The following ZNF367 variants were observed in gnomAD, a reference collection of about 807,000 sequenced individuals.
ZNF367 encodes the protein C2H2 zinc finger protein ZFF29.
Under a neutral mutation model 31.8 loss-of-function variants are expected in ZNF367, and 11 were observed. The observed-to-expected ratio is 0.35, with a 90% CI of 0.22 to 0.57. The LOEUF is 0.57. ZNF367 is among the 20% of genes least tolerant of loss of function. The pLI, the probability that ZNF367 is intolerant of heterozygous loss-of-function variation, is 0.85. For missense variants in ZNF367, 353 were observed against 484.1 expected, an observed-to-expected ratio of 0.73 and a Z score of 2.54; for synonymous variants, 199 against 202.4, an observed-to-expected ratio of 0.98 and a Z score of 0.14.
intron 3 of ZNF367, 65 bp from the exon 4 acceptor site, chr9:96,392,601 A>G: frequency 6.6e-7 from 1 of 1,522,738 alleles, no homozygotes; most frequent in Non-Finnish European, 8.8e-7. Context: ...TGTGGAAAAC[A>G]TTCAGTTTCA....
At chr9:96,407,349 GAAAAAGAGA>G in intron 1 of ZNF367, 2 of 1,563,712 alleles carry the variant, frequency 1.3e-6, no homozygotes, top group Non-Finnish European at 1.8e-6. Context: ...ATTACCATGA[GAAAAAGAGA>G]AAGAAGGAAA....
rs1163412110 is a variant in ZNF367 at position 96,418,260 on chromosome 9, C to G, written c.-228G>C. ...AGCGCGCCCTCCGCTCTTTGTACTC[C>G]GCAGCGCAGGCTGCAGGGGTGGGAA... is the stretch of plus-strand genomic sequence containing the variant. On this transcript the variant is annotated 5_prime_UTR_variant, in exon 1 of 5. Transcript: ENST00000375256. 3.7e-6 allele frequency: 2 copies of G among 539,276 alleles called. No homozygotes were observed. Among genetic ancestry groups the G allele is most frequent in the African/African-American group, 2.0e-5 (1 of 51,184 alleles). 33.4% of individuals were successfully genotyped at this position (539,276 alleles called of 1,614,324 possible).
At position 96,417,175 on chromosome 9, in the gene ZNF367, C is replaced by A. The variant is rs996385723; in HGVS notation, c.420+438G>T. Among the ~76,000 whole-genome samples, 2 of 152,220 alleles carry A rather than the reference C, an allele frequency of 1.3e-5. No homozygotes were observed. The highest frequency in any genetic ancestry group is 1.3e-4 in the Admixed American group (2 of 15,282). On this transcript the variant is annotated intron_variant, in intron 1 of 4. Transcript: ENST00000375256. The surrounding 1 kb of genome is among the most constrained non-coding windows in gnomAD (Gnocchi z 5.0). ...GTCCTTTCTTGCTCTTCGGCTGTCT[C>A]TGCAGGGCATCTTTTAACAGGGCGA...
intron 1 of ZNF367, among the ~76,000 whole-genome samples, chr9:96,412,346 A>C (rs899011027): frequency 1.3e-5 from 2 of 152,250 alleles, no homozygotes; most frequent in African/African-American, 2.4e-5. Context: ...AAGGTTGATT[A>C]GTGATTTTGA....
intron 1 of ZNF367, among the ~76,000 whole-genome samples, chr9:96,412,092 A>AT (rs1397277390): frequency 6.6e-6 from 1 of 152,216 alleles, no homozygotes; most frequent in East Asian, 1.9e-4. Flanking sequence ...AACAATACAT[A>AT]TTAAAATAAG....
At chr9:96,407,913 G>A in intron 1 of ZNF367, 1 of 360,252 alleles carries the variant, frequency 2.8e-6, no homozygotes, top group Admixed American at 4.6e-5. Context: ...GCCAACGTGA[G>A]TAATTTTTAA....
intron 2 of ZNF367, among the ~76,000 whole-genome samples, chr9:96,396,249 G>T (rs986057566): frequency 4.0e-5 from 6 of 151,826 alleles, no homozygotes; most frequent in African/African-American, 1.5e-4. Flanking sequence ...TACCCACACT[G>T]GCAACTCTAC....
At chr9:96,412,689 TTTC>T (rs992534686) in intron 1 of ZNF367, among the ~76,000 whole-genome samples, 21 of 139,828 alleles carry the variant, frequency 1.5e-4, no homozygotes, top group Non-Finnish European at 3.0e-4. Context: ...CTTTTTTCTT[TTTC>T]TTTTCTTTTT....
At position 96,398,322 on chromosome 9, in the gene ZNF367, TA is replaced by T. The variant is rs1424326731; in HGVS notation, c.421-9del. On this transcript the variant is annotated splice_polypyrimidine_tract_variant and intron_variant, in intron 1 of 4. Transcript: ENST00000375256. ...ACCACGTCGGATTCCATCCTGTTGATAATTTTTATAAACATTAATATAATTT... is the reference window on the plus strand; with the variant it reads ...ACCACGTCGGATTCCATCCTGTTGATATTTTTATAAACATTAATATAATTT... The T allele has an allele frequency of 1.3e-6, 2 of 1,593,410 alleles. No homozygotes were observed. Among genetic ancestry groups the T allele is most frequent in the South Asian group, 2.3e-5 (2 of 87,894 alleles).
chr9:96,388,244 C>T lies in ZNF367; in HGVS notation c.1046G>A (p.Arg349Gln), dbSNP rs139261415. 10 of 1,610,256 alleles carry T rather than the reference C, an allele frequency of 6.2e-6. No individual in the cohort carries two copies. In the East Asian group the frequency reaches 1.1e-4, roughly 18 times the overall value. ...ELANLTGAPLRQ is the reference protein window; with the variant it reads ...ELANLTGAPLQQ ...GAAGAGTCAGTGTCCAAGCTACTGT[C>T]GGAGTGGCGCCCCAGTCAGGTTGGC... The change falls in exon 5 of 5, where the codon CGA (arginine) becomes CAA (glutamine). Residue 349 changes from arginine (R) to glutamine (Q), a missense_variant. This residue lies in a region of ZNF367 where 101 missense variants were observed against 140.0 expected (regional missense o/e 0.72). Coordinates refer to ENST00000375256, the MANE Select transcript of ZNF367 (RefSeq NM_153695.4).
chr9:96,388,026 A>T lies in ZNF367; in HGVS notation c.*211T>A, dbSNP rs1045765649. ...CCTGTACTGTGCAGTCCATATTTAC[A>T]AAATATTTTAAACTTTACGATGAAT... On this transcript the variant is annotated 3_prime_UTR_variant, in exon 5 of 5. Transcript: ENST00000375256. 36 of 569,890 alleles carry T rather than the reference A, an allele frequency of 6.3e-5. No homozygotes were observed. Among genetic ancestry groups the T allele is most frequent in the Middle Eastern group, 4.6e-4 (1 of 2,180 alleles). The allele number at this position is 569,890 out of a possible 1,614,324, so 35.3% of individuals were successfully genotyped here.
At chr9:96,399,361 A>G (rs1831572249) in intron 1 of ZNF367, among the ~76,000 whole-genome samples, 1 of 152,008 alleles carries the variant, frequency 6.6e-6, no homozygotes, top group African/African-American at 2.4e-5. Flanking sequence ...GGGAAGCTCT[A>G]GGTATTCAAA....
intron 1 of ZNF367, among the ~76,000 whole-genome samples, chr9:96,410,139 T>C (rs1384183333): frequency 6.6e-6 from 1 of 151,532 alleles, no homozygotes; most frequent in Admixed American, 6.6e-5. Flanking sequence ...GGCGGGCGCC[T>C]GTAGTCCCAG....
At position 96,407,926 on chromosome 9, in the gene ZNF367, G is replaced by C. The variant is rs551053982; in HGVS notation, c.421-9612C>G. On this transcript the variant is annotated intron_variant, in intron 1 of 4. Transcript: ENST00000375256. ...CGGCCAACGTGAGTAATTTTTAATA[G>C]ATTAAAATATTGGCAAATAGCCTGT... is the stretch of plus-strand genomic sequence containing the variant. 4.0e-4 allele frequency: 129 copies of C among 322,438 alleles called. 1 individual carries two copies. Among genetic ancestry groups the C allele is most frequent in the Non-Finnish European group, 6.4e-4 (112 of 174,932 alleles). The allele number at this position is 322,438 out of a possible 1,614,324, so 20.0% of individuals were successfully genotyped here.
At chr9:96,402,757 C>T (rs1831624945) in intron 1 of ZNF367, among the ~76,000 whole-genome samples, 1 of 151,398 alleles carries the variant, frequency 6.6e-6, no homozygotes, top group African/African-American at 2.4e-5. Flanking sequence ...CAGGCGTGAG[C>T]CCCTGTGCCC....
At chr9:96,403,204 G>A (rs887745403) in intron 1 of ZNF367, among the ~76,000 whole-genome samples, 5 of 152,022 alleles carry the variant, frequency 3.3e-5, no homozygotes, top group African/African-American at 9.7e-5. Flanking sequence ...TCCTGACCTC[G>A]TGATCCACCC....
At chr9:96,404,636 C>CAA (rs111803820) in intron 1 of ZNF367, among the ~76,000 whole-genome samples, 1 of 134,802 alleles carries the variant, frequency 7.4e-6, no homozygotes, top group Non-Finnish European at 1.6e-5. Flanking sequence ...CCTCCGTCTC[C>CAA]AAAAAAAAAA....
At chr9:96,412,439 C>T (rs1340719262) in intron 1 of ZNF367, among the ~76,000 whole-genome samples, 1 of 152,140 alleles carries the variant, frequency 6.6e-6, no homozygotes, top group Non-Finnish European at 1.5e-5. Context: ...AGGGAACAAG[C>T]ACAACCTAGA....
At chr9:96,408,477 C>T (rs1257560741) in intron 1 of ZNF367, among the ~76,000 whole-genome samples, 1 of 152,166 alleles carries the variant, frequency 6.6e-6, no homozygotes, top group Non-Finnish European at 1.5e-5. Context: ...TATGCCATAA[C>T]ATGGATGAAC....
Sources: allele counts gnomAD v4.1 joint callset (sites outside exome capture counted in the v4.1 genomes callset), GRCh38; gene constraint gnomAD v4.1.1; regional missense constraint gnomAD v4.1.1; non-coding constraint Gnocchi (gnomAD v3.1); transcripts MANE v1.5; gene names NCBI Gene and HGNC (gene_info 2026-07-23, HGNC 2026-07-21).